The following MKLN1 variants were observed in gnomAD, a reference collection of about 807,000 sequenced individuals.
MKLN1 encodes muskelin 1.
In MKLN1, 18 loss-of-function variants were observed where a neutral mutation model predicts 99.0. The ratio of observed to expected loss-of-function variants is 0.18; its 90% CI spans 0.13 to 0.27. MKLN1 has a LOEUF of 0.27. MKLN1 is among the 10% of genes least tolerant of loss of function. The probability of loss-of-function intolerance (pLI) is 1.00; values close to 1 mark genes in which losing one functional copy is unlikely to be tolerated. For synonymous variants in MKLN1, 288 were observed against 293.2 expected (o/e 0.98, Z 0.18); for missense variants, 621 against 875.9 (o/e 0.71, Z 3.67).
At chr7:131,161,949 ACGTG>A (rs368849568) in intron 2 of MKLN1, among the ~76,000 whole-genome samples, 14 of 110,346 alleles carry the variant, frequency 1.3e-4, no homozygotes, top group African/African-American at 3.2e-4. Flanking sequence ...ACATATATAT[ACGTG>A]TGTGTGTGTG....
chr7:131,260,484 GA>G (rs1210514329), intron 3 of MKLN1, among the ~76,000 whole-genome samples: 2 of 152,048 alleles, frequency 1.3e-5, no homozygotes, highest in Non-Finnish European at 2.9e-5. Context: ...TGACACAAAT[GA>G]AAAAACATTC....
At chr7:131,391,451 A>G (rs1160026325) in intron 4 of MKLN1, among the ~76,000 whole-genome samples, 1 of 152,236 alleles carries the variant, frequency 6.6e-6, no homozygotes, top group African/African-American at 2.4e-5. Flanking sequence ...GTTTATTGAC[A>G]TGTAACTATA....
chr7:131,217,308 C>T (rs902218923), intron 3 of MKLN1, among the ~76,000 whole-genome samples: 3 of 152,158 alleles, frequency 2.0e-5, no homozygotes, highest in Non-Finnish European at 4.4e-5. Context: ...TGTGCTTACA[C>T]AGTACAGGAA....
chr7:131,207,199 T>TTTTA (rs749142678), intron 3 of MKLN1, among the ~76,000 whole-genome samples: 9 of 152,082 alleles, frequency 5.9e-5, no homozygotes, highest in Non-Finnish European at 1.2e-4. Context: ...TGTTATTTAT[T>TTTTA]TTTATTTATT....
intron 4 of MKLN1, among the ~76,000 whole-genome samples, chr7:131,389,499 T>C (rs1405659786): frequency 1.3e-5 from 2 of 152,156 alleles, no homozygotes; most frequent in Non-Finnish European, 2.9e-5. Flanking sequence ...ACCCATTAAA[T>C]TGATTTAATG....
rs34593474 is a variant in MKLN1 at position 131,153,034 on chromosome 7, T to TATATATATA, written c.-297+10093_-297+10094insATATATATA. Among the ~76,000 whole-genome samples the TATATATATA allele has an allele frequency of 1.9e-3, 266 of 139,328 alleles. 1 individual carries two copies. Among genetic ancestry groups the TATATATATA allele is most frequent in the African/African-American group, 6.9e-3 (248 of 36,136 alleles). The allele number at this position is 139,328 out of a possible 152,430, so 91.4% of individuals were successfully genotyped here. A position where few individuals can be genotyped will look rare whatever the true frequency, so the allele number is the denominator to read the frequency against. On this transcript the variant is annotated intron_variant, in intron 2 of 7. Coordinates refer to the MKLN1 transcript ENST00000416992. ...AATCAGATTCATATATATATATATA[T>TATATATATA]TTTTTTTTTTTTTGGCAAGACTGCT...
rs1301897877 is a variant in MKLN1 at position 131,413,834 on chromosome 7, C to T, written c.782-811C>T. On this transcript the variant is annotated intron_variant, in intron 7 of 17. Coordinates refer to ENST00000352689, the MANE Select transcript of MKLN1 (RefSeq NM_013255.5). The stretch of plus-strand genomic sequence containing the variant: ...GATTACAGGTTTGAGCCACCGCGCC[C>T]GGCCATAACTTTATTTATGTAAGAT... Among the ~76,000 whole-genome samples the T allele has an allele frequency of 2.6e-5, 4 of 152,096 alleles. 1 individual carries two copies. The South Asian group carries it at 8.3e-4, about 32-fold the overall frequency.
At chr7:131,324,963 G>A (rs571790138), upstream of MKLN1, among the ~76,000 whole-genome samples, 27 of 152,292 alleles carry the variant, frequency 1.8e-4, no homozygotes, top group Non-Finnish European at 3.2e-4. Context: ...ATGCAGGAAA[G>A]CCATGCTATC....
chr7:131,170,674 T>C (rs1796202035), intron 2 of MKLN1, among the ~76,000 whole-genome samples: 1 of 152,236 alleles, frequency 6.6e-6, no homozygotes, highest in Non-Finnish European at 1.5e-5. Flanking sequence ...TGAGGGTTTG[T>C]AACTCATGGA....
chr7:131,485,936 T>A (rs1797260339), intron 17 of MKLN1, among the ~76,000 whole-genome samples: 1 of 152,054 alleles, frequency 6.6e-6, no homozygotes, highest in African/African-American at 2.4e-5. Context: ...TATTGGGACA[T>A]CAATGTTAAA....
At chr7:131,428,767 G>C (rs1795434045) in intron 8 of MKLN1, among the ~76,000 whole-genome samples, 1 of 152,118 alleles carries the variant, frequency 6.6e-6, no homozygotes, top group Admixed American at 6.6e-5. Context: ...AAAACCTGTG[G>C]AATCAGAATC....
At chr7:131,442,259 T>C (rs1795860338) in intron 10 of MKLN1, among the ~76,000 whole-genome samples, 1 of 152,154 alleles carries the variant, frequency 6.6e-6, no homozygotes, top group Non-Finnish European at 1.5e-5. Flanking sequence ...TTTAAAATTA[T>C]GAAAATAGCC....
chr7:131,263,238 G>A (rs1363142990), intron 3 of MKLN1, among the ~76,000 whole-genome samples: 1 of 151,818 alleles, frequency 6.6e-6, no homozygotes, highest in Non-Finnish European at 1.5e-5. Flanking sequence ...CGGGCATGGT[G>A]GCTCATGCCT....
chr7:131,445,450 CCCCTCTCTCACATTCTCTTT>C (rs1468042047), intron 11 of MKLN1, among the ~76,000 whole-genome samples: 1 of 152,072 alleles, frequency 6.6e-6, no homozygotes, highest in Non-Finnish European at 1.5e-5. Flanking sequence ...TCTCACTTTT[CCCCTCTCTCACATTCTCTTT>C]CCCTCTCTCC....
chr7:131,199,918 G>A (rs1023726461), intron 2 of MKLN1, among the ~76,000 whole-genome samples: 1 of 152,104 alleles, frequency 6.6e-6, no homozygotes, highest in African/African-American at 2.4e-5. Context: ...GGCTGGTATG[G>A]AACTCCTGAC....
intron 12 of MKLN1, among the ~76,000 whole-genome samples, chr7:131,446,312 G>A (rs1358606977): frequency 6.6e-6 from 1 of 152,198 alleles, no homozygotes; most frequent in Admixed American, 6.5e-5. Flanking sequence ...CACCTTGTAA[G>A]TTTAAAAGCT....
At chr7:131,402,256 C>T (rs1057342832) in intron 6 of MKLN1, among the ~76,000 whole-genome samples, 14 of 152,190 alleles carry the variant, frequency 9.2e-5, no homozygotes, top group Admixed American at 3.9e-4. Context: ...ACTTTATTTG[C>T]TCATTCATAA....
At chr7:131,218,148 G>A (rs1797011367) in intron 3 of MKLN1, among the ~76,000 whole-genome samples, 1 of 152,166 alleles carries the variant, frequency 6.6e-6, no homozygotes, top group African/African-American at 2.4e-5. Flanking sequence ...TCTGAGTGGT[G>A]CCAGTTGGTT....
intron 2 of MKLN1, among the ~76,000 whole-genome samples, chr7:131,186,745 A>T (rs1796456184): frequency 6.6e-6 from 1 of 152,220 alleles, no homozygotes; most frequent in Admixed American, 6.5e-5. Flanking sequence ...AAATGACAGG[A>T]TGTAACTGTG....
Sources: allele counts gnomAD v4.1 joint callset (sites outside exome capture counted in the v4.1 genomes callset), GRCh38; gene constraint gnomAD v4.1.1; transcripts MANE v1.5; gene names NCBI Gene and HGNC (gene_info 2026-07-23, HGNC 2026-07-21).